PCDHA10: variants seen among roughly 807,000 people sequenced by gnomAD.
PCDHA10 encodes the protein protocadherin alpha 10.
A neutral mutation model predicts 61.2 loss-of-function variants in PCDHA10; 45 were observed. The observed-to-expected ratio is 0.74, with a 90% confidence interval of 0.58 to 0.94. The LOEUF is 0.94. PCDHA10 is among the 40% of genes least tolerant of loss of function. The pLI is 0.00. For synonymous variants in PCDHA10, 602 were observed against 548.8 expected (o/e 1.10, Z -1.35); for missense variants, 1,278 against 1,236.2 (o/e 1.03, Z -0.51).
At chr5:140,869,605 T>C (rs782447414) in intron 1 of PCDHA10, 132 of 1,613,940 alleles carry the variant, frequency 8.2e-5, no homozygotes, top group Non-Finnish European at 1.1e-4. Context: ...GAATGCTCTA[T>C]TGACCTACAG....
intron 1 of PCDHA10, among the ~76,000 whole-genome samples, chr5:140,957,475 A>G (rs2095362490): frequency 6.6e-6 from 1 of 152,192 alleles, no homozygotes; most frequent in Non-Finnish European, 1.5e-5. Flanking sequence ...ATGTATAGGA[A>G]AAAACATAGT....
intron 1 of PCDHA10, chr5:140,870,821 G>A (rs782742871): frequency 6.2e-7 from 1 of 1,613,736 alleles, no homozygotes; most frequent in South Asian, 1.1e-5. Flanking sequence ...GGCAGCGCGG[G>A]AGGCGCAGTT....
At chr5:140,917,137 C>A (rs868951388) in intron 1 of PCDHA10, among the ~76,000 whole-genome samples, 4 of 152,208 alleles carry the variant, frequency 2.6e-5, no homozygotes, top group African/African-American at 4.8e-5. Context: ...CCACGTTGCT[C>A]AGCTGCTGCT....
chr5:140,968,632 C>T, intron 1 of PCDHA10: 1 of 1,614,176 alleles, frequency 6.2e-7, no homozygotes, highest in Non-Finnish European at 8.5e-7. Flanking sequence ...GGCTTTTTTA[C>T]CATCTAGCCC....
At position 140,856,015 on chromosome 5, in the gene PCDHA10, G is replaced by T. The variant is rs781811609; in HGVS notation, c.-34G>T. Reference sequence around the variant, plus strand: ...GATCGTATGTGCGTTCTAGACCGCTGATTCGTCGATTTGTAAAACAAGAGA... The same window carrying T: ...GATCGTATGTGCGTTCTAGACCGCTTATTCGTCGATTTGTAAAACAAGAGA... On this transcript the variant is annotated 5_prime_UTR_variant, in exon 1 of 4. The change abolishes the stop of an existing upstream ORF in the 5' untranslated region. Coordinates refer to ENST00000307360, the MANE Select transcript of PCDHA10 (RefSeq NM_018901.4). 1.9e-6 allele frequency: 3 copies of T among 1,550,260 alleles called. No homozygotes were observed. The highest frequency in any genetic ancestry group is 2.6e-6 in the Non-Finnish European group (3 of 1,142,172).
chr5:140,898,422 C>T (rs1554187981), intron 1 of PCDHA10, among the ~76,000 whole-genome samples: 2 of 152,278 alleles, frequency 1.3e-5, no homozygotes, highest in East Asian at 3.9e-4. Context: ...AGCCAGTTTT[C>T]CCAGCACCAT....
At chr5:141,000,395 CTA>C (rs1190667031) in intron 3 of PCDHA10, among the ~76,000 whole-genome samples, 91 of 53,954 alleles carry the variant, frequency 1.7e-3, no homozygotes, top group Admixed American at 3.8e-3. Flanking sequence ...CTCTCTCTCT[CTA>C]TATATATATA....
At chr5:140,964,183 C>A (rs1422782402) in intron 1 of PCDHA10, among the ~76,000 whole-genome samples, 2 of 152,164 alleles carry the variant, frequency 1.3e-5, no homozygotes, top group Non-Finnish European at 2.9e-5. Context: ...CATTATAGTG[C>A]CAAATAGAGT....
At chr5:140,891,410 A>G (rs1381375342) in intron 1 of PCDHA10, among the ~76,000 whole-genome samples, 1 of 130,438 alleles carries the variant, frequency 7.7e-6, no homozygotes, top group East Asian at 2.5e-4. Context: ...GCCACCCCCC[A>G]CTCTTGCCCC....
In PCDHA10 at chr5:140,871,383, G is replaced by C. The variant is rs200820570; in HGVS notation, c.2388+12947G>C. 9.3e-6 allele frequency: 15 copies of C among 1,614,204 alleles called. No homozygotes were observed. The highest frequency in any genetic ancestry group is 6.7e-5 in the East Asian group (3 of 44,886). Reference sequence around the variant, plus strand: ...AGAGGCGGCAGAGGGTGTGCTCTGAGGAGGGCCCACCTAAGACGGACCTCA... The same window carrying C: ...AGAGGCGGCAGAGGGTGTGCTCTGACGAGGGCCCACCTAAGACGGACCTCA... On this transcript the variant is annotated intron_variant, in intron 1 of 3. Coordinates refer to ENST00000307360, the MANE Select transcript of PCDHA10 (RefSeq NM_018901.4).
Position 140,894,936 on chromosome 5 carries a change from A to G in PCDHA10, c.2388+36500A>G, listed in dbSNP as rs560165058. Among the ~76,000 whole-genome samples the G allele has an allele frequency of 3.5e-4, 53 of 152,142 alleles. 1 individual carries two copies. The highest frequency in any genetic ancestry group is 5.6e-4 in the Non-Finnish European group (38 of 68,020). On this transcript the variant is annotated intron_variant, in intron 1 of 3. Transcript: ENST00000307360. ...TTGCTCTATAGATTTCTATTCAGCTATTGTCATGAAATGATAAAAATATAA... is the reference window on the plus strand; with the variant it reads ...TTGCTCTATAGATTTCTATTCAGCTGTTGTCATGAAATGATAAAAATATAA...
chr5:140,943,491 G>A (rs1387185924), intron 1 of PCDHA10, among the ~76,000 whole-genome samples: 4 of 151,986 alleles, frequency 2.6e-5, no homozygotes, highest in Non-Finnish European at 5.9e-5. Context: ...ATAAATAGAT[G>A]CTATCAAGGT....
chr5:140,861,130 A>C (rs1554154191), intron 1 of PCDHA10: 1 of 153,606 alleles, frequency 6.5e-6, no homozygotes, highest in Non-Finnish European at 1.4e-5. Flanking sequence ...CATTAAGACC[A>C]CTTGGAACCT....
At chr5:140,875,874 A>C in intron 1 of PCDHA10, 1 of 1,614,188 alleles carries the variant, frequency 6.2e-7, no homozygotes, top group Non-Finnish European at 8.5e-7. Flanking sequence ...CGGTGTTCAG[A>C]GAAAGGGAAC....
chr5:140,902,953 C>G (rs549407032), intron 1 of PCDHA10, among the ~76,000 whole-genome samples: 1 of 152,162 alleles, frequency 6.6e-6, no homozygotes, highest in East Asian at 1.9e-4. Context: ...TCTTTATCCA[C>G]TTGTTGGCTG....
intron 1 of PCDHA10, among the ~76,000 whole-genome samples, chr5:140,954,014 A>G (rs782347890): frequency 1.3e-5 from 2 of 152,038 alleles, no homozygotes; most frequent in African/African-American, 4.8e-5. Context: ...CAGCTCCCAC[A>G]CATAGTGGGA....
In PCDHA10 at chr5:140,879,424, A is replaced by T. The variant is rs181418893; in HGVS notation, c.2388+20988A>T. Reference sequence around the variant, plus strand: ...GTATTTGAGCAGGTAGGGAATGGAGATGAACATTTAAGAAAATGTTACTTT... The same window carrying T: ...GTATTTGAGCAGGTAGGGAATGGAGTTGAACATTTAAGAAAATGTTACTTT... On this transcript the variant is annotated intron_variant, in intron 1 of 3. Coordinates refer to ENST00000307360, the MANE Select transcript of PCDHA10 (RefSeq NM_018901.4). Among the ~76,000 whole-genome samples, 1,178 of 152,344 alleles carry T rather than the reference A, an allele frequency of 7.7e-3. 4 individuals carry two copies. The highest frequency in any genetic ancestry group is 0.013 in the Admixed American group (206 of 15,298).
At chr5:140,876,883 G>A in intron 1 of PCDHA10, 2 of 1,614,132 alleles carry the variant, frequency 1.2e-6, no homozygotes, top group Non-Finnish European at 1.7e-6. Context: ...CAACCCGCCG[G>A]GCTGCCACAT....
intron 1 of PCDHA10, among the ~76,000 whole-genome samples, chr5:140,978,524 C>G (rs1554239389): frequency 2.0e-5 from 3 of 152,208 alleles, no homozygotes; most frequent in Admixed American, 6.5e-5. Context: ...TCCAGCCAGG[C>G]CAGCAGAACT....
Sources: allele counts gnomAD v4.1 joint callset (sites outside exome capture counted in the v4.1 genomes callset), GRCh38; gene constraint gnomAD v4.1.1; transcripts MANE v1.5; gene names NCBI Gene and HGNC (gene_info 2026-07-23, HGNC 2026-07-21).